The following ZNF804B variants were observed in gnomAD, a reference collection of about 807,000 sequenced individuals.
ZNF804B encodes the protein zinc finger protein 804B, also known as zinc finger 804B.
A neutral mutation model predicts 101.4 loss-of-function variants in ZNF804B; 80 were observed. The observed-to-expected ratio is 0.79, with a 90% CI of 0.66 to 0.95. The LOEUF (loss-of-function observed/expected upper bound fraction) is 0.95, where lower values mean the gene tolerates loss of function less well. ZNF804B is among the 40% of genes least tolerant of loss of function. ZNF804B has a pLI of 0.00. For missense variants in ZNF804B, 1,673 were observed against 1,561.9 expected (o/e 1.07, Z -1.20); for synonymous variants, 622 against 558.8 (o/e 1.11, Z -1.59).
intron 1 of ZNF804B, among the ~76,000 whole-genome samples, chr7:89,011,484 C>T (rs1788461591): frequency 6.6e-6 from 1 of 152,132 alleles, no homozygotes; most frequent in African/African-American, 2.4e-5. Flanking sequence ...GAAGTCTTTT[C>T]CACCTATGAA....
intron 2 of ZNF804B, among the ~76,000 whole-genome samples, chr7:89,267,564 G>T (rs1789819763): frequency 6.6e-6 from 1 of 152,072 alleles, no homozygotes; most frequent in Non-Finnish European, 1.5e-5. Context: ...TATGGGACCT[G>T]GAGTGACCAT....
chr7:89,300,283 G>A (rs1790453378), intron 2 of ZNF804B, among the ~76,000 whole-genome samples: 1 of 151,010 alleles, frequency 6.6e-6, no homozygotes, highest in Non-Finnish European at 1.5e-5. Context: ...CCCCTATTTT[G>A]CACCCCTACT....
At chr7:89,293,195 T>A (rs1378882336) in intron 2 of ZNF804B, among the ~76,000 whole-genome samples, 2 of 152,252 alleles carry the variant, frequency 1.3e-5, no homozygotes, top group South Asian at 2.1e-4. Context: ...TTAGCCAACA[T>A]GTTTAATTAT....
chr7:88,863,543 A>C (rs781002486), intron 1 of ZNF804B, among the ~76,000 whole-genome samples: 30 of 152,240 alleles, frequency 2.0e-4, no homozygotes, highest in Admixed American at 2.0e-4. Flanking sequence ...CGAAGTTTAT[A>C]GTTTAATGGT....
intron 2 of ZNF804B, among the ~76,000 whole-genome samples, chr7:89,256,817 G>A (rs1789638240): frequency 1.3e-5 from 2 of 152,148 alleles, no homozygotes; most frequent in South Asian, 4.1e-4. Flanking sequence ...TGGAGGAGGA[G>A]GATGGTGCAG....
intron 2 of ZNF804B, among the ~76,000 whole-genome samples, chr7:89,228,314 T>C (rs1235505086): frequency 6.6e-6 from 1 of 152,074 alleles, no homozygotes; most frequent in Non-Finnish European, 1.5e-5. Context: ...CCCCAGCAGG[T>C]TGCCACTGCT....
In ZNF804B at chr7:88,962,690, T is replaced by C. The variant is rs191275595; in HGVS notation, c.108+202606T>C. Among the ~76,000 whole-genome samples, 6 of 139,056 alleles carry C rather than the reference T, an allele frequency of 4.3e-5. No individual in the cohort carries two copies. The East Asian group carries it at 1.0e-3, about 24-fold the overall frequency. The allele number at this position is 139,056 out of a possible 152,430, so 91.2% of individuals were successfully genotyped here. A position where few individuals can be genotyped will look rare whatever the true frequency, so the allele number is the denominator to read the frequency against. On this transcript the variant is annotated intron_variant, in intron 1 of 3. Transcript: ENST00000333190. ...TTGTCTGCTTTTCACAGAAAAGTTA[T>C]AAATGTTGTTAAACTCACATATATA...
rs538054580 is a variant in ZNF804B at position 89,301,468 on chromosome 7, A to G, written c.250-25876A>G. Among the ~76,000 whole-genome samples the G allele has an allele frequency of 2.0e-5, 3 of 151,926 alleles. No individual in the cohort carries two copies. The South Asian group carries it at 6.2e-4, about 31-fold the overall frequency. ...TTCAATTAATTTTCTTTTCTGCTTAATATAGTTTTTATAGCCCACTATACT... is the reference window on the plus strand; with the variant it reads ...TTCAATTAATTTTCTTTTCTGCTTAGTATAGTTTTTATAGCCCACTATACT... On this transcript the variant is annotated intron_variant, in intron 2 of 3. Coordinates refer to ENST00000333190, the MANE Select transcript of ZNF804B (RefSeq NM_181646.5).
intron 1 of ZNF804B, among the ~76,000 whole-genome samples, chr7:88,974,703 A>G (rs749149116): frequency 3.3e-5 from 5 of 151,330 alleles, no homozygotes; most frequent in Non-Finnish European, 7.4e-5. Flanking sequence ...GGTACATGAG[A>G]TATTTTCATA....
intron 1 of ZNF804B, among the ~76,000 whole-genome samples, chr7:88,912,807 A>T (rs1278389627): frequency 6.6e-6 from 1 of 152,194 alleles, no homozygotes; most frequent in African/African-American, 2.4e-5. Flanking sequence ...TTTGTTTTTA[A>T]AAAGCAAATT....
intron 1 of ZNF804B, among the ~76,000 whole-genome samples, chr7:89,194,770 G>C (rs1325620431): frequency 6.6e-6 from 1 of 150,946 alleles, no homozygotes; most frequent in African/African-American, 2.4e-5. Context: ...TTGTTCTTTT[G>C]GCTTAGGATT....
At chr7:89,086,544 A>G (rs1000262466) in intron 1 of ZNF804B, among the ~76,000 whole-genome samples, 45 of 151,968 alleles carry the variant, frequency 3.0e-4, no homozygotes, top group African/African-American at 9.9e-4. Flanking sequence ...AAAAATAAAA[A>G]CTGCAAACAT....
chr7:89,106,414 C>G (rs1170987049), intron 1 of ZNF804B, among the ~76,000 whole-genome samples: 1 of 152,040 alleles, frequency 6.6e-6, no homozygotes, highest in Admixed American at 6.6e-5. Flanking sequence ...GTATTATGTG[C>G]TAGATCCTCT....
chr7:89,052,965 A>G lies in ZNF804B; in HGVS notation c.109-165190A>G, dbSNP rs141185373. 2.3e-3 allele frequency among the ~76,000 whole-genome samples: 347 copies of G among 152,280 alleles called. 2 individuals are homozygous for G. The highest frequency in any genetic ancestry group is 8.0e-3 in the African/African-American group (332 of 41,562). The stretch of plus-strand genomic sequence containing the variant: ...AAACTTGTCTGTATTCCTCCAGCTT[A>G]ATTAAGATCAACTGTGCTTAACAAA... On this transcript the variant is annotated intron_variant, in intron 1 of 3. Coordinates refer to ENST00000333190, the MANE Select transcript of ZNF804B (RefSeq NM_181646.5).
rs569546494 is a variant in ZNF804B, at chr7:89,255,607, A to G, written c.249+37312A>G. Among the ~76,000 whole-genome samples, 34 of 152,314 alleles carry G rather than the reference A, an allele frequency of 2.2e-4. No individual in the cohort carries two copies. In the South Asian group the frequency reaches 4.3e-3, roughly 19 times the overall value. On this transcript the variant is annotated intron_variant, in intron 2 of 3. Coordinates refer to ENST00000333190, the MANE Select transcript of ZNF804B (RefSeq NM_181646.5). ...GACTCCTACATCATACTGTACACAA[A>G]TAAATATCATGTAGATTAAAGACTT...
intron 1 of ZNF804B, among the ~76,000 whole-genome samples, chr7:88,964,953 AT>A (rs1793433687): frequency 6.6e-6 from 1 of 151,458 alleles, no homozygotes. Flanking sequence ...TCAGAGAGAA[AT>A]TTTGGGCAAA....
chr7:88,880,090 C>T (rs764002043), intron 1 of ZNF804B, among the ~76,000 whole-genome samples: 7 of 150,410 alleles, frequency 4.7e-5, no homozygotes, highest in Non-Finnish European at 8.9e-5. Flanking sequence ...GAGTAATTAA[C>T]GAATAAAAGT....
chr7:89,311,809 A>G (rs909931160), intron 2 of ZNF804B, among the ~76,000 whole-genome samples: 1 of 152,204 alleles, frequency 6.6e-6, no homozygotes, highest in African/African-American at 2.4e-5. Flanking sequence ...TTGATATAGT[A>G]TTGGTTATAT....
chr7:89,261,658 G>C (rs547700857), intron 2 of ZNF804B, among the ~76,000 whole-genome samples: 1 of 152,206 alleles, frequency 6.6e-6, no homozygotes, highest in South Asian at 2.1e-4. Context: ...TAATCTATAT[G>C]GTATAGCCTG....
Sources: gnomAD v4.1 joint callset for allele counts (sites outside exome capture counted in the v4.1 genomes callset) on GRCh38, gnomAD v4.1.1 for gene constraint, MANE v1.5 for transcripts, NCBI Gene and HGNC (gene_info 2026-07-23, HGNC 2026-07-21) for gene names.